Variants in CPS1 observed in about 807,000 individuals in gnomAD.
CPS1 encodes the protein carbamoyl-phosphate synthase [ammonia], mitochondrial.
A neutral mutation model predicts 174.6 loss-of-function variants in CPS1; 109 were observed. The observed-to-expected ratio is 0.62, with a 90% CI of 0.53 to 0.73. CPS1 has a LOEUF of 0.73. Ranked by LOEUF, CPS1 falls within the 30% of genes least tolerant of loss-of-function variation. The pLI is 0.00. For missense variants in CPS1, 1,689 were observed against 1,821.9 expected, an observed-to-expected ratio of 0.93 and a Z score of 1.33; for synonymous variants, 637 against 632.0, an observed-to-expected ratio of 1.01 and a Z score of -0.12.
chr2:210,494,650 A>G (rs1475863637), intron 1 of CPS1, among the ~76,000 whole-genome samples: 2 of 149,044 alleles, frequency 1.3e-5, no homozygotes, highest in Non-Finnish European at 3.0e-5. Flanking sequence ...TAAAAAAAAT[A>G]CAGCAGGATC....
chr2:210,617,455 A>C (rs1699349398), intron 21 of CPS1: 1 of 152,080 alleles, frequency 6.6e-6, no homozygotes, highest in Non-Finnish European at 1.5e-5. Context: ...TTAATCACTT[A>C]AAATATCTTT....
At chr2:210,499,918 G>A (rs1695097917) in intron 1 of CPS1, among the ~76,000 whole-genome samples, 1 of 152,098 alleles carries the variant, frequency 6.6e-6, no homozygotes, top group Non-Finnish European at 1.5e-5. Context: ...TTCTCACACT[G>A]TATGAAGAAA....
chr2:210,522,751 A>G (rs1355459877), intron 1 of CPS1, among the ~76,000 whole-genome samples: 1 of 151,980 alleles, frequency 6.6e-6, no homozygotes. Context: ...GCATACCACC[A>G]TCTTGGTGAG....
At chr2:210,658,785 AGAGCAACT>A in intron 31 of CPS1, 97 bp downstream of exon 31, 1 of 827,366 alleles carries the variant, frequency 1.2e-6, no homozygotes, top group Non-Finnish European at 2.1e-6. Flanking sequence ...CACCAGACAA[AGAGCAACT>A]GAGACCCCTG....
In CPS1 at chr2:210,592,934, C is replaced by G; in HGVS notation, c.1142C>G (p.Thr381Ser). 1 of 1,612,344 alleles carries G rather than the reference C, an allele frequency of 6.2e-7. No individual in the cohort carries two copies. The highest frequency in any genetic ancestry group is 2.2e-5 in the East Asian group (1 of 44,776). Residue 381 changes from threonine to serine, a missense_variant, in exon 11 of 38, where the codon ACC (threonine) becomes AGC (serine). Transcript: ENST00000233072. ...FFAVQFHPEV[T>S]PGPIDTEYLF... is the part of the protein sequence containing the mutation. ...GCTGTGCAGTTCCACCCAGAGGTCA[C>G]CCCGGGGCCAATAGACACTGAGGTA... is the stretch of plus-strand genomic sequence containing the variant.
At chr2:210,669,626 A>G (rs768975534) in intron 34 of CPS1, among the ~76,000 whole-genome samples, 2 of 152,176 alleles carry the variant, frequency 1.3e-5, no homozygotes, top group African/African-American at 2.4e-5. Flanking sequence ...TAAAGGTACC[A>G]GAAGGACGAC....
intron 31 of CPS1, among the ~76,000 whole-genome samples, chr2:210,659,248 G>T (rs1361782810): frequency 6.6e-6 from 1 of 152,272 alleles, no homozygotes; most frequent in Non-Finnish European, 1.5e-5. Flanking sequence ...TCTAAGATTG[G>T]AAAGCTGAAT....
intron 1 of CPS1, chr2:210,519,924 G>C: frequency 3.4e-6 from 1 of 291,266 alleles, no homozygotes; most frequent in Non-Finnish European, 5.1e-6. Flanking sequence ...GGTAGCTGTG[G>C]TTTTCTCATC....
At chr2:210,586,813 A>G (rs1175444945) in intron 6 of CPS1, among the ~76,000 whole-genome samples, 2 of 152,080 alleles carry the variant, frequency 1.3e-5, no homozygotes, top group Non-Finnish European at 2.9e-5. Context: ...CTATGATAAA[A>G]TGCGTATTTG....
chr2:210,668,222 C>G lies in CPS1; in HGVS notation c.4039C>G (p.Leu1347Val). 1.2e-6 allele frequency: 2 copies of G among 1,613,726 alleles called. No homozygotes were observed. Among genetic ancestry groups the G allele is most frequent in the Non-Finnish European group, 1.7e-6 (2 of 1,179,828 alleles). Residue 1347 changes from leucine to valine, a missense_variant, in exon 34 of 38, where the codon CTA becomes GTA. By Grantham distance (32) the Leu-to-Val change is conservative. Coordinates refer to ENST00000233072, the MANE Select transcript of CPS1 (RefSeq NM_001875.5). ...TGGTGAAGGTATTCATACAGCCTTCCTAAAGGCAATGCTTTCCACAGGATT... is the reference window on the plus strand; with the variant it reads ...TGGTGAAGGTATTCATACAGCCTTCGTAAAGGCAATGCTTTCCACAGGATT... ...CFGEGIHTAF[L>V]KAMLSTGFKI...
intron 1 of CPS1, among the ~76,000 whole-genome samples, chr2:210,480,118 T>A (rs1694519306): frequency 6.6e-6 from 1 of 152,188 alleles, no homozygotes; most frequent in Non-Finnish European, 1.5e-5. Flanking sequence ...CCATTCAGGA[T>A]CACAGATTCC....
At chr2:210,673,234 A>G (rs1250213986) in intron 34 of CPS1, 2 of 152,224 alleles carry the variant, frequency 1.3e-5, no homozygotes, top group Non-Finnish European at 2.9e-5. Flanking sequence ...ACAGTGTGTG[A>G]TTTTAAATAC....
intron 21 of CPS1, chr2:210,618,760 T>G (rs1046025293): frequency 1.3e-5 from 2 of 152,012 alleles, no homozygotes; most frequent in African/African-American, 4.8e-5. Context: ...TCACCATTAG[T>G]CTGGGTCTGA....
At chr2:210,643,894 C>G (rs1445252569) in intron 25 of CPS1, among the ~76,000 whole-genome samples, 2 of 151,998 alleles carry the variant, frequency 1.3e-5, no homozygotes, top group African/African-American at 4.8e-5. Flanking sequence ...AAATATTTCT[C>G]GAACACCTTG....
At chr2:210,518,995 AATT>A (rs1454225110) in intron 1 of CPS1, among the ~76,000 whole-genome samples, 1 of 151,978 alleles carries the variant, frequency 6.6e-6, no homozygotes, top group African/African-American at 2.4e-5. Context: ...TTCTCTCACC[AATT>A]ATGTGAGTGA....
At chr2:210,666,840 G>A (rs1701117599) in intron 33 of CPS1, among the ~76,000 whole-genome samples, 1 of 152,146 alleles carries the variant, frequency 6.6e-6, no homozygotes, top group Admixed American at 6.6e-5. Context: ...GAACTTTAAA[G>A]TAGTTTTTTC....
chr2:210,674,913 G>A lies in CPS1; in HGVS notation c.4113G>A (p.Arg1371=), dbSNP rs1219079429. ...AAATTCCTTTTCAGCAATCATTCCG[G>A]CCAAGATTCCTTGGTGTGGCTGAAC... ...GILIGIQQSF[R]PRFLGVAEQL... is the part of the protein sequence containing the mutation. Residue 1371 remains arginine, a synonymous_variant, in exon 35 of 38, where the codon CGG becomes CGA. Coordinates refer to ENST00000233072, the MANE Select transcript of CPS1 (RefSeq NM_001875.5). 6 of 1,613,546 alleles carry A rather than the reference G, an allele frequency of 3.7e-6. No individual in the cohort carries two copies. The highest frequency in any genetic ancestry group is 2.2e-5 in the East Asian group (1 of 44,864).
intron 6 of CPS1, among the ~76,000 whole-genome samples, chr2:210,586,040 T>TA (rs1228306186): frequency 6.6e-6 from 1 of 151,692 alleles, no homozygotes; most frequent in Admixed American, 6.6e-5. Flanking sequence ...TTAAAGGCTT[T>TA]AAAAAAAGTT....
intron 1 of CPS1, among the ~76,000 whole-genome samples, chr2:210,561,747 T>G (rs1338258152): frequency 1.3e-5 from 2 of 152,238 alleles, no homozygotes; most frequent in Non-Finnish European, 2.9e-5. Flanking sequence ...GCCCTAGGGA[T>G]CTTTAGCTTC....
Sources: gnomAD v4.1 joint callset for allele counts (sites outside exome capture counted in the v4.1 genomes callset) on GRCh38, gnomAD v4.1.1 for gene constraint, MANE v1.5 for transcripts, NCBI Gene and HGNC (gene_info 2026-07-23, HGNC 2026-07-21) for gene names.